Variants in MORN1 observed in about 807,000 individuals in gnomAD.
The protein encoded by MORN1 is MORN repeat containing 1.
MORN1 carries 67 observed loss-of-function variants against 61.9 expected under a neutral mutation model. The observed-to-expected ratio is 1.08, with a 90% CI of 0.89 to 1.33. The LOEUF (loss-of-function observed/expected upper bound fraction) is 1.33, where lower values mean the gene tolerates loss of function less well. MORN1 is among the 40% of genes most tolerant of loss of function. MORN1 has a pLI of 0.00. For missense variants in MORN1, 752 were observed against 691.2 expected, an observed-to-expected ratio of 1.09 and a Z score of -0.99; for synonymous variants, 301 against 292.0, an observed-to-expected ratio of 1.03 and a Z score of -0.31.
At chr1:2,386,154 T>C (rs949701810) in intron 4 of MORN1, 2 of 495,892 alleles carry the variant, frequency 4.0e-6, no homozygotes, top group South Asian at 2.2e-5. Flanking sequence ...GCAGCAAAAA[T>C]GGCCCTGGGG....
intron 12 of MORN1, among the ~76,000 whole-genome samples, chr1:2,327,153 CAGAAACACACAGACAGAAACAA>C (rs1409580729): frequency 6.5e-4 from 92 of 142,186 alleles, no homozygotes; most frequent in African/African-American, 2.4e-3. Flanking sequence ...GACACAGAAA[CAGAAACACACAGACAGAAACAA>C]ACACAGAGAC....
At chr1:2,351,589 T>C (rs1280458107) in intron 10 of MORN1, 3 of 255,040 alleles carry the variant, frequency 1.2e-5, no homozygotes, top group African/African-American at 7.0e-5. Context: ...GGCCGGGCCG[T>C]GTAACCAAGC....
At chr1:2,322,169 C>G (rs1050552560) in intron 13 of MORN1, 24 of 985,282 alleles carry the variant, frequency 2.4e-5, no homozygotes, top group Middle Eastern at 5.2e-4. Context: ...TTTCCTTTCA[C>G]AGTCTGTAAA....
At chr1:2,322,393 G>A in intron 13 of MORN1, 2 of 985,452 alleles carry the variant, frequency 2.0e-6, no homozygotes, top group Non-Finnish European at 2.4e-6. Context: ...CCGCAAGGCA[G>A]AGCAACATTC....
At chr1:2,352,873 T>G (rs1641680810) in intron 10 of MORN1, 1 of 153,178 alleles carries the variant, frequency 6.5e-6, no homozygotes, top group African/African-American at 2.4e-5. Context: ...TAGGAGATCC[T>G]GCTTGGTGGC....
At chr1:2,323,607 C>G (rs760882643) in intron 13 of MORN1, 35 of 985,194 alleles carry the variant, frequency 3.6e-5, no homozygotes, top group Non-Finnish European at 4.1e-5. Flanking sequence ...GGGTCTGCAC[C>G]TGAGCCTTCT....
In MORN1 at chr1:2,321,387, C is replaced by G. The variant is rs963639641; in HGVS notation, c.1490G>C (p.Arg497Pro). ...HSCTPEPPAP[R>P] is the part of the protein sequence containing the mutation. ...GCCTCCTGTGGACACGGGGCCTCAC[C>G]GAGGCGCTGGCGGCTCTGGGGTGCA... The change falls in exon 14 of 14, where the codon CGG (arginine) becomes CCG (proline). Residue 497 changes from arginine (R) to proline (P), a missense_variant. Arg to Pro is a moderately radical substitution (Grantham distance 103). Transcript: ENST00000378531. The G allele has an allele frequency of 2.1e-5, 32 of 1,521,082 alleles. No homozygotes were observed. Among genetic ancestry groups the G allele is most frequent in the Non-Finnish European group, 2.7e-5 (31 of 1,134,248 alleles). The allele number at this position is 1,521,082 out of a possible 1,614,324, so 94.2% of individuals were successfully genotyped here. A position where few individuals can be genotyped will look rare whatever the true frequency, so the allele number is the denominator to read the frequency against.
chr1:2,376,810 G>C (rs926306727), intron 6 of MORN1: 2 of 152,156 alleles, frequency 1.3e-5, no homozygotes, highest in African/African-American at 4.8e-5. Flanking sequence ...CAATTCAACT[G>C]ATCCAATAGC....
At chr1:2,366,650 A>G (rs1414110923) in intron 8 of MORN1, among the ~76,000 whole-genome samples, 1 of 152,060 alleles carries the variant, frequency 6.6e-6, no homozygotes, top group Non-Finnish European at 1.5e-5. Flanking sequence ...CAGCCTCCCA[A>G]GTAGCTGGGA....
chr1:2,370,649 A>T (rs1345006441), intron 8 of MORN1, among the ~76,000 whole-genome samples: 1 of 151,200 alleles, frequency 6.6e-6, no homozygotes, highest in Admixed American at 6.6e-5. Flanking sequence ...ATAAGAAGAC[A>T]ACCTTTTTTT....
intron 10 of MORN1, among the ~76,000 whole-genome samples, chr1:2,340,471 G>C (rs1454099650): frequency 6.6e-6 from 1 of 152,114 alleles, no homozygotes; most frequent in Non-Finnish European, 1.5e-5. Flanking sequence ...ACCCACACAA[G>C]TCTCCCCAAA....
At chr1:2,355,593 G>A in intron 10 of MORN1, 4 of 955,704 alleles carry the variant, frequency 4.2e-6, no homozygotes, top group Non-Finnish European at 6.4e-6. Context: ...AGGGCGGCCA[G>A]GGGCATTCCG....
At chr1:2,389,901 G>T in intron 2 of MORN1, 24 bp downstream of exon 2, 1 of 1,609,552 alleles carries the variant, frequency 6.2e-7, no homozygotes, top group Non-Finnish European at 8.5e-7. Flanking sequence ...GCAGCTGCAA[G>T]AAGAGACCAC....
chr1:2,342,286 G>C (rs955093927), intron 10 of MORN1, among the ~76,000 whole-genome samples: 1 of 152,212 alleles, frequency 6.6e-6, no homozygotes, highest in Non-Finnish European at 1.5e-5. Context: ...CAGCAGGCAG[G>C]GATGCTGCCC....
chr1:2,321,669 C>T lies in MORN1; in HGVS notation c.1298-90G>A. On this transcript the variant is annotated intron_variant, in intron 13 of 13. Transcript: ENST00000378531. ...CACTGCCCACTGTCTCATGTGCCCG[C>T]TGGCCCCTGTGCCCCCGACCCTGGT... 5 of 1,395,048 alleles carry T rather than the reference C, an allele frequency of 3.6e-6. No homozygotes were observed. In the South Asian group the frequency reaches 7.8e-5, roughly 22 times the overall value. The allele number at this position is 1,395,048 out of a possible 1,614,324, so 86.4% of individuals were successfully genotyped here.
In MORN1 at chr1:2,336,847, C is replaced by G. The variant is rs760105957; in HGVS notation, c.1040G>C (p.Arg347Thr). Residue 347 changes from arginine (R) to threonine (T), a missense_variant, in exon 11 of 14, where the codon AGG (arginine) becomes ACG (threonine). Arg to Thr is a moderately conservative substitution (Grantham distance 71). Coordinates refer to ENST00000378531, the MANE Select transcript of MORN1 (RefSeq NM_024848.3). ...QEDTPGGLLA[R>T]GHAPHCPGAC... ...CCCGGGACAATGGGGCGCATGTCCC[C>G]TGGCTGAGGAGACAGAATGAAGAAA... 2 of 1,561,448 alleles carry G rather than the reference C, an allele frequency of 1.3e-6. No individual in the cohort carries two copies. The highest frequency in any genetic ancestry group is 1.2e-5 in the South Asian group (1 of 82,878).
intron 12 of MORN1, among the ~76,000 whole-genome samples, chr1:2,331,449 C>G (rs373284936): frequency 6.6e-6 from 1 of 152,188 alleles, no homozygotes; most frequent in Non-Finnish European, 1.5e-5. Context: ...AGGCGGATGC[C>G]GGGCCTCAGC....
In MORN1 at chr1:2,331,805, G is replaced by A. The variant is rs552495574; in HGVS notation, c.1250+4664C>T. On this transcript the variant is annotated intron_variant, in intron 12 of 13. Transcript: ENST00000378531. ...GTAACCACTGCCGCTCCTCTCCCGC[G>A]GCTGCGCCTCTCCCGCCGCTGCGCC... Among the ~76,000 whole-genome samples the A allele has an allele frequency of 2.6e-4, 38 of 146,478 alleles. 1 individual carries two copies. The highest frequency in any genetic ancestry group is 6.9e-4 in the African/African-American group (27 of 39,388).
intron 10 of MORN1, among the ~76,000 whole-genome samples, chr1:2,344,443 A>G (rs1641465143): frequency 6.6e-6 from 1 of 152,150 alleles, no homozygotes; most frequent in Non-Finnish European, 1.5e-5. Flanking sequence ...GACCAGGAGC[A>G]TGTGTGGGGT....
Sources: gnomAD v4.1 joint callset for allele counts (sites outside exome capture counted in the v4.1 genomes callset) on GRCh38, gnomAD v4.1.1 for gene constraint, MANE v1.5 for transcripts, NCBI Gene and HGNC (gene_info 2026-07-23, HGNC 2026-07-21) for gene names.